NOX4: variants seen among roughly 807,000 people sequenced by gnomAD.
NOX4 encodes kidney oxidase-1.
NOX4 carries 69 observed loss-of-function variants against 87.6 expected under a neutral mutation model. The observed-to-expected ratio is 0.79, with a 90% CI of 0.65 to 0.96. The LOEUF (loss-of-function observed/expected upper bound fraction) is 0.96. Ranked by LOEUF, NOX4 falls within the 40% of genes least tolerant of loss-of-function variation. NOX4 has a pLI of 0.00. For missense variants in NOX4, 680 were observed against 681.5 expected, an observed-to-expected ratio of 1.00 and a Z score of 0.02; for synonymous variants, 275 against 238.2, an observed-to-expected ratio of 1.15 and a Z score of -1.42.
chr11:89,473,774 CTT>C (rs944946551), intron 2 of NOX4, among the ~76,000 whole-genome samples: 6 of 152,058 alleles, frequency 3.9e-5, no homozygotes, highest in Admixed American at 3.3e-4. Flanking sequence ...TTAACTATGA[CTT>C]TCAACTTTTG....
intron 12 of NOX4, among the ~76,000 whole-genome samples, chr11:89,355,257 T>A (rs199673346): frequency 1.3e-5 from 2 of 149,450 alleles, no homozygotes. Flanking sequence ...GATTATAATA[T>A]TTTAATCATA....
the NOX4 span, among the ~76,000 whole-genome samples, chr11:89,558,213 C>G: frequency 2.7e-3 from 406 of 152,158 alleles, no homozygotes; most frequent in African/African-American, 9.4e-3. Flanking sequence ...AGAGTCGATG[C>G]CCTTTACTAA....
At chr11:89,575,766 T>C in the NOX4 span, among the ~76,000 whole-genome samples, 4 of 152,122 alleles carry the variant, frequency 2.6e-5, no homozygotes, top group Admixed American at 1.3e-4. Context: ...TTCTTTCTTC[T>C]ACTTCATTTC....
intron 7 of NOX4, among the ~76,000 whole-genome samples, chr11:89,431,690 G>T (rs1943792007): frequency 6.6e-6 from 1 of 152,132 alleles, no homozygotes; most frequent in Admixed American, 6.6e-5. Context: ...TCATTAAAAA[G>T]TCAGGAAACA....
At chr11:89,559,047 T>C in the NOX4 span, among the ~76,000 whole-genome samples, 1 of 152,094 alleles carries the variant, frequency 6.6e-6, no homozygotes, top group Non-Finnish European at 1.5e-5. Flanking sequence ...ACATACTATC[T>C]CATAATTTTG....
At chr11:89,472,301 G>A (rs536960270) in intron 2 of NOX4, among the ~76,000 whole-genome samples, 1 of 152,034 alleles carries the variant, frequency 6.6e-6, no homozygotes, top group African/African-American at 2.4e-5. Context: ...AGCTTCCCTG[G>A]AGACTTTTAA....
At chr11:89,565,838 T>C in the NOX4 span, among the ~76,000 whole-genome samples, 2,800 of 152,180 alleles carry the variant, frequency 0.018, 83 homozygotes, top group African/African-American at 0.064. Context: ...GCCTTTTCTG[T>C]ACATGATTTT....
intron 8 of NOX4, among the ~76,000 whole-genome samples, chr11:89,408,558 A>G (rs1942310089): frequency 6.6e-6 from 1 of 152,114 alleles, no homozygotes; most frequent in African/African-American, 2.4e-5. Flanking sequence ...ACCCTACCAA[A>G]GCTTTTACTC....
chr11:89,486,487 T>TG, intron 2 of NOX4, among the ~76,000 whole-genome samples: 1 of 146,294 alleles, frequency 6.8e-6, no homozygotes, highest in African/African-American at 2.5e-5. Context: ...TGTGTGTGTG[T>TG]TTGTGTGCAT....
upstream of NOX4, among the ~76,000 whole-genome samples, chr11:89,500,108 A>C (rs1947001362): frequency 6.6e-6 from 1 of 152,294 alleles, no homozygotes; most frequent in South Asian, 2.1e-4. Flanking sequence ...ACTATTCAAC[A>C]TCTTTGAAAG....
the NOX4 span, among the ~76,000 whole-genome samples, chr11:89,553,876 C>CT: frequency 6.3e-4 from 88 of 140,008 alleles, no homozygotes; most frequent in African/African-American, 2.2e-3. Flanking sequence ...AAACAAACAT[C>CT]TTTTTTTTTT....
chr11:89,552,597 T>C, the NOX4 span, among the ~76,000 whole-genome samples: 3 of 152,206 alleles, frequency 2.0e-5, no homozygotes, highest in Admixed American at 1.3e-4. Context: ...CATTTATTTA[T>C]GTTCTTTCAG....
At chr11:89,344,340 G>A (rs192819519) in intron 13 of NOX4, among the ~76,000 whole-genome samples, 27 of 152,224 alleles carry the variant, frequency 1.8e-4, no homozygotes, top group Non-Finnish European at 1.5e-4. Context: ...GCAGGAGGAT[G>A]GCTTAGGGCC....
At chr11:89,369,034 T>C (rs1242882667) in intron 12 of NOX4, among the ~76,000 whole-genome samples, 3 of 152,142 alleles carry the variant, frequency 2.0e-5, no homozygotes, top group Admixed American at 6.6e-5. Context: ...GGAGCTATTT[T>C]AAACCTGTTC....
At chr11:89,444,925 C>T (rs319028) in intron 4 of NOX4, among the ~76,000 whole-genome samples, 1 of 152,008 alleles carries the variant, frequency 6.6e-6, no homozygotes, top group Admixed American at 6.6e-5. Flanking sequence ...TTTGGCAAAG[C>T]TAGGGTAATA....
intron 6 of NOX4, among the ~76,000 whole-genome samples, chr11:89,438,288 A>G (rs1944186507): frequency 7.5e-6 from 1 of 133,230 alleles, no homozygotes; most frequent in Non-Finnish European, 1.5e-5. Flanking sequence ...TATATACTAC[A>G]TATAAAATAT....
chr11:89,351,326 T>A (rs1946448201), intron 13 of NOX4, among the ~76,000 whole-genome samples: 1 of 152,160 alleles, frequency 6.6e-6, no homozygotes, highest in African/African-American at 2.4e-5. Context: ...TCATGAGGTT[T>A]AAGAAAAGAA....
chr11:89,498,325 A>C (rs1451411129), upstream of NOX4: 1 of 152,222 alleles, frequency 6.6e-6, no homozygotes, highest in African/African-American at 2.4e-5. Context: ...AAAAGATAGA[A>C]TCTATTATAT....
At chr11:89,328,983 C>T (rs543118624) in intron 17 of NOX4, among the ~76,000 whole-genome samples, 5 of 152,020 alleles carry the variant, frequency 3.3e-5, no homozygotes, top group African/African-American at 1.2e-4. Flanking sequence ...GCCCCCAGAA[C>T]TATGAAAAAA....
Sources: gnomAD v4.1 joint callset for allele counts (sites outside exome capture counted in the v4.1 genomes callset) on GRCh38, gnomAD v4.1.1 for gene constraint, MANE v1.5 for transcripts, NCBI Gene and HGNC (gene_info 2026-07-23, HGNC 2026-07-21) for gene names.